Variants in PSMF1 observed in about 807,000 individuals in gnomAD.
PSMF1 encodes the protein proteasome inhibitor PI31 subunit.
In PSMF1, 30 loss-of-function variants were observed where a neutral mutation model predicts 29.3. The observed-to-expected ratio is 1.02, with a 90% CI of 0.77 to 1.39. The LOEUF (loss-of-function observed/expected upper bound fraction) is 1.39, where lower values mean the gene tolerates loss of function less well. Among genes scored for constraint, PSMF1 ranks in the 40% most tolerant of loss-of-function variants. The pLI is 0.00. For synonymous variants in PSMF1, 134 were observed against 139.7 expected, an observed-to-expected ratio of 0.96 and a Z score of 0.29; for missense variants, 344 against 357.5, an observed-to-expected ratio of 0.96 and a Z score of 0.31.
At chr20:1,162,804 G>A (rs921344237) in intron 4 of PSMF1, among the ~76,000 whole-genome samples, 5 of 152,070 alleles carry the variant, frequency 3.3e-5, no homozygotes, top group African/African-American at 7.2e-5. Context: ...TTTTTCTGAC[G>A]TAAAACTTCT....
intron 3 of PSMF1, chr20:1,134,842 CCT>C (rs1046649958): frequency 2.6e-5 from 13 of 497,136 alleles, no homozygotes; most frequent in African/African-American, 1.5e-4. Context: ...CAATCCAGGC[CCT>C]GTGCCCCTAC....
At chr20:1,131,722 A>G (rs1010440529) in intron 3 of PSMF1, among the ~76,000 whole-genome samples, 5 of 152,186 alleles carry the variant, frequency 3.3e-5, no homozygotes, top group Non-Finnish European at 2.9e-5. Context: ...ATATAAACCT[A>G]TTGTGTTCCA....
At chr20:1,127,324 G>A in intron 2 of PSMF1, 102 bp from the exon 3 acceptor site, 1 of 889,618 alleles carries the variant, frequency 1.1e-6, no homozygotes, top group Non-Finnish European at 1.9e-6. Context: ...GTGGACATAT[G>A]TGAATATTTC....
Position 1,118,931 on chromosome 20 carries a change from G to A in PSMF1, c.129+29G>A, listed in dbSNP as rs201470783. 2,088 of 1,611,724 alleles carry A rather than the reference G, an allele frequency of 1.3e-3. 1 individual carries two copies. The highest frequency in any genetic ancestry group is 1.6e-3 in the Non-Finnish European group (1,922 of 1,178,808). On this transcript the variant is annotated intron_variant, in intron 1 of 6. Coordinates refer to ENST00000335877, the MANE Select transcript of PSMF1 (RefSeq NM_006814.5). ...CGCCACGGAGCCGGCCAGGGTGGAGGAGGGAACTGTCTTCTGCCCAAACTC... is the reference window on the plus strand; with the variant it reads ...CGCCACGGAGCCGGCCAGGGTGGAGAAGGGAACTGTCTTCTGCCCAAACTC...
chr20:1,148,547 T>C (rs2086485708), intron 4 of PSMF1, among the ~76,000 whole-genome samples: 1 of 152,264 alleles, frequency 6.6e-6, no homozygotes, highest in African/African-American at 2.4e-5. Flanking sequence ...CCAATCTGTA[T>C]CTTTACATAT....
chr20:1,135,552 A>T (rs572803857), intron 4 of PSMF1, among the ~76,000 whole-genome samples: 2 of 152,300 alleles, frequency 1.3e-5, no homozygotes, highest in African/African-American at 4.8e-5. Context: ...GGCCACACAG[A>T]GCCCCTGAGT....
In PSMF1 at chr20:1,163,870, A is replaced by T. The variant is rs2086696413; in HGVS notation, c.606-448A>T. Reference sequence around the variant, plus strand: ...AGTCAGAAATTGCCCTGAGGCCCTTAAGGGAAAGAGAAAAAAAACCAACAT... The same window carrying T: ...AGTCAGAAATTGCCCTGAGGCCCTTTAGGGAAAGAGAAAAAAAACCAACAT... On this transcript the variant is annotated intron_variant, in intron 5 of 6. Transcript: ENST00000335877. This position sits in a 1 kb window ranked among gnomAD's most constrained non-coding sequence, Gnocchi z 6.1. Among the ~76,000 whole-genome samples, 4 of 152,198 alleles carry T rather than the reference A, an allele frequency of 2.6e-5. No individual in the cohort carries two copies. The highest frequency in any genetic ancestry group is 2.6e-4 in the Admixed American group (4 of 15,286).
chr20:1,154,906 A>T (rs2122581500), intron 4 of PSMF1, among the ~76,000 whole-genome samples: 1 of 152,350 alleles, frequency 6.6e-6, no homozygotes, highest in East Asian at 1.9e-4. Flanking sequence ...ACAGGTACAG[A>T]TTAGCAGCTG....
At chr20:1,142,644 C>T (rs1265422085) in intron 4 of PSMF1, among the ~76,000 whole-genome samples, 1 of 152,192 alleles carries the variant, frequency 6.6e-6, no homozygotes, top group Non-Finnish European at 1.5e-5. Flanking sequence ...TGTATATGTG[C>T]CACATTTTCT....
rs1389262730 is a variant in PSMF1, at chr20:1,168,669, T to A, written c.*3589T>A. On this transcript the variant is annotated 3_prime_UTR_variant, in exon 7 of 7. Coordinates refer to ENST00000335877, the MANE Select transcript of PSMF1 (RefSeq NM_006814.5). ...TGTAGTTAGAAAATAGGTAGCAAGT[T>A]CCACGCAGCCTCACTCTTTGGAACC... 6.6e-6 allele frequency among the ~76,000 whole-genome samples: 1 copy of A among 152,196 alleles called. No individual in the cohort carries two copies. The highest frequency in any genetic ancestry group is 1.9e-4 in the East Asian group (1 of 5,196).
Position 1,165,815 on chromosome 20 carries a change from CAGT to C in PSMF1, c.*739_*741del. ...TGTAGGTCCATCTGTGCATGGGCAG[CAGT>C]AGTCAAAAAGCCAAGGAAAAAACAG... On this transcript the variant is annotated 3_prime_UTR_variant, in exon 7 of 7. Coordinates refer to ENST00000335877, the MANE Select transcript of PSMF1 (RefSeq NM_006814.5). The C allele has an allele frequency of 9.3e-7, 1 of 1,073,758 alleles. No homozygotes were observed. The highest frequency in any genetic ancestry group is 1.1e-6 in the Non-Finnish European group (1 of 882,198). The allele number at this position is 1,073,758 out of a possible 1,614,324, so 66.5% of individuals were successfully genotyped here.
Position 1,121,465 on chromosome 20 carries a change from A to G in PSMF1, c.129+2563A>G, listed in dbSNP as rs149624879. Among the ~76,000 whole-genome samples, 529 of 152,046 alleles carry G rather than the reference A, an allele frequency of 3.5e-3. 2 individuals are homozygous for G. Among genetic ancestry groups the G allele is most frequent in the Middle Eastern group, 0.017 (5 of 294 alleles). ...TCCTTCTGTCGCTTCTGCTGAGTCT[A>G]CTTTCATTCAGAGTGGAAACTGGAG... On this transcript the variant is annotated intron_variant, in intron 1 of 6. Transcript: ENST00000335877.
At chr20:1,146,214 G>A (rs2086447570) in intron 4 of PSMF1, among the ~76,000 whole-genome samples, 1 of 151,732 alleles carries the variant, frequency 6.6e-6, no homozygotes, top group Non-Finnish European at 1.5e-5. Flanking sequence ...TGCCTGAGTT[G>A]TGTCTTCACC....
chr20:1,130,864 A>G (rs2086219798), intron 3 of PSMF1, among the ~76,000 whole-genome samples: 3 of 152,200 alleles, frequency 2.0e-5, no homozygotes, highest in Non-Finnish European at 4.4e-5. Flanking sequence ...GGATCAAAAC[A>G]TCATTTTTTA....
rs369410487 is a variant in PSMF1 at position 1,164,170 on chromosome 20, G to T, written c.606-148G>T. The T allele has an allele frequency of 8.7e-6, 7 of 806,304 alleles. No homozygotes were observed. The highest frequency in any genetic ancestry group is 3.1e-5 in the South Asian group (2 of 63,630). 49.9% of individuals were successfully genotyped at this position (806,304 alleles called of 1,614,324 possible). A position where few individuals can be genotyped will look rare whatever the true frequency, so the allele number is the denominator to read the frequency against. ...GTGTTCTTGCCCTTGCCCACTTTCCGCTGGCTCTCAGGCAGCCATCCACAT... is the reference window on the plus strand; with the variant it reads ...GTGTTCTTGCCCTTGCCCACTTTCCTCTGGCTCTCAGGCAGCCATCCACAT... On this transcript the variant is annotated intron_variant, in intron 5 of 6. Transcript: ENST00000335877. This position sits in a 1 kb window ranked among gnomAD's most constrained non-coding sequence, Gnocchi z 4.1.
chr20:1,142,212 G>A (rs1022526680), intron 4 of PSMF1, among the ~76,000 whole-genome samples: 1 of 152,186 alleles, frequency 6.6e-6, no homozygotes, highest in African/African-American at 2.4e-5. Context: ...GAACGACAGA[G>A]CGAGACTCCT....
intron 4 of PSMF1, among the ~76,000 whole-genome samples, chr20:1,158,367 T>C (rs967320984): frequency 6.6e-6 from 1 of 152,224 alleles, no homozygotes; most frequent in Non-Finnish European, 1.5e-5. Flanking sequence ...TGGCAGGCCC[T>C]GTGGGTGTTA....
rs549042470 is a variant in PSMF1, at chr20:1,120,917, T to G, written c.129+2015T>G. Reference sequence around the variant, plus strand: ...AGAGGGCGTGTCTGATACCCTTCTCTCCTTGCCATTCCACAAATAAATATC... The same window carrying G: ...AGAGGGCGTGTCTGATACCCTTCTCGCCTTGCCATTCCACAAATAAATATC... On this transcript the variant is annotated intron_variant, in intron 1 of 6. Coordinates refer to ENST00000335877, the MANE Select transcript of PSMF1 (RefSeq NM_006814.5). 7.9e-5 allele frequency among the ~76,000 whole-genome samples: 12 copies of G among 152,286 alleles called. No individual in the cohort carries two copies. In the South Asian group the frequency reaches 2.1e-3, roughly 26 times the overall value.
At position 1,166,705 on chromosome 20, in the gene PSMF1, G is replaced by A. The variant is rs1331432132; in HGVS notation, c.*1625G>A. The A allele has an allele frequency of 1.1e-5, 2 of 177,256 alleles. No homozygotes were observed. Among genetic ancestry groups the A allele is most frequent in the African/African-American group, 2.3e-5 (1 of 42,686 alleles). 11.0% of individuals were successfully genotyped at this position (177,256 alleles called of 1,614,324 possible). A position where few individuals can be genotyped will look rare whatever the true frequency, so the allele number is the denominator to read the frequency against. ...AAACCTTTAGAACATCTCTGCTTTG[G>A]AGAAAGACCCAGAGATCAGGCAGAG... On this transcript the variant is annotated 3_prime_UTR_variant, in exon 7 of 7. Transcript: ENST00000335877.
Sources: allele counts gnomAD v4.1 joint callset (sites outside exome capture counted in the v4.1 genomes callset), GRCh38; gene constraint gnomAD v4.1.1; non-coding constraint Gnocchi (gnomAD v3.1); transcripts MANE v1.5; gene names NCBI Gene and HGNC (gene_info 2026-07-23, HGNC 2026-07-21).